Variants in RALYL observed in about 807,000 individuals in gnomAD.
RALYL encodes the protein RALY RNA binding protein like, also known as RNA-binding Raly-like protein.
In RALYL, 29 loss-of-function variants were observed where a neutral mutation model predicts 35.1. The observed-to-expected ratio is 0.83, with a 90% CI of 0.61 to 1.13. The LOEUF (loss-of-function observed/expected upper bound fraction) is 1.13, where lower values mean the gene tolerates loss of function less well. RALYL is among the 50% of genes most tolerant of loss of function. The pLI, the probability that RALYL is intolerant of heterozygous loss-of-function variation, is 0.00. For synonymous variants in RALYL, 120 were observed against 127.6 expected, an observed-to-expected ratio of 0.94 and a Z score of 0.40; for missense variants, 359 against 360.4, an observed-to-expected ratio of 1.00 and a Z score of 0.03.
chr8:84,383,412 C>G (rs1858434021), intron 1 of RALYL, among the ~76,000 whole-genome samples: 1 of 151,258 alleles, frequency 6.6e-6, no homozygotes. Flanking sequence ...ATAAATGGAG[C>G]AAGACATTGA....
chr8:84,872,935 T>C (rs146373946), intron 6 of RALYL: 1 of 175,020 alleles, frequency 5.7e-6, no homozygotes, highest in African/African-American at 2.4e-5. Flanking sequence ...GATTTAATTA[T>C]TGCTTCATCT....
chr8:84,537,253 T>G (rs1225137264), intron 2 of RALYL, among the ~76,000 whole-genome samples: 2 of 151,680 alleles, frequency 1.3e-5, no homozygotes, highest in African/African-American at 4.8e-5. Flanking sequence ...GCTGATCGCT[T>G]GAGCCCAGCA....
chr8:84,216,545 G>A (rs893270177), intron 1 of RALYL, among the ~76,000 whole-genome samples: 2 of 152,096 alleles, frequency 1.3e-5, no homozygotes, highest in African/African-American at 4.8e-5. Context: ...TAGTTTCTCT[G>A]TTTTGTGTGC....
intron 8 of RALYL, among the ~76,000 whole-genome samples, chr8:84,891,902 TAG>T (rs1563820302): frequency 1.3e-5 from 2 of 152,144 alleles, no homozygotes; most frequent in Non-Finnish European, 2.9e-5. Flanking sequence ...ACAATATAAT[TAG>T]AGTTTTTCTC....
intron 2 of RALYL, among the ~76,000 whole-genome samples, chr8:84,724,013 T>C (rs1190383704): frequency 6.6e-6 from 1 of 151,816 alleles, no homozygotes; most frequent in Non-Finnish European, 1.5e-5. Flanking sequence ...AGGATCTCAG[T>C]GAGTATTTGA....
intron 1 of RALYL, among the ~76,000 whole-genome samples, chr8:84,324,274 A>T (rs895503851): frequency 6.6e-6 from 1 of 151,972 alleles, no homozygotes; most frequent in Admixed American, 6.6e-5. Flanking sequence ...TTCCACATAC[A>T]GTTAATTTCT....
chr8:84,366,525 C>A (rs1239990691), intron 1 of RALYL, among the ~76,000 whole-genome samples: 1 of 151,876 alleles, frequency 6.6e-6, no homozygotes, highest in Admixed American at 6.6e-5. Flanking sequence ...GCCTATGATC[C>A]CAGCCCTTTG....
At chr8:84,585,972 A>C (rs533692361) in intron 2 of RALYL, among the ~76,000 whole-genome samples, 1 of 152,090 alleles carries the variant, frequency 6.6e-6, no homozygotes, top group Non-Finnish European at 1.5e-5. Flanking sequence ...CGAGGCAGGC[A>C]GATCATGAGG....
At chr8:84,444,099 C>T (rs2048616366) in intron 1 of RALYL, among the ~76,000 whole-genome samples, 1 of 152,076 alleles carries the variant, frequency 6.6e-6, no homozygotes, top group African/African-American at 2.4e-5. Context: ...GATGTCAAGG[C>T]AGGAGAATCA....
chr8:84,495,691 G>T (rs922110146), intron 1 of RALYL, among the ~76,000 whole-genome samples: 3 of 151,740 alleles, frequency 2.0e-5, no homozygotes, highest in Admixed American at 6.6e-5. Flanking sequence ...GAAAACTTTG[G>T]GTACTCACCT....
chr8:84,324,602 TG>T (rs1845464359), intron 1 of RALYL, among the ~76,000 whole-genome samples: 1 of 152,092 alleles, frequency 6.6e-6, no homozygotes, highest in Admixed American at 6.6e-5. Flanking sequence ...TGTTTTTTTT[TG>T]TAAACTTTTC....
At chr8:84,229,526 T>C (rs1824829194) in intron 1 of RALYL, among the ~76,000 whole-genome samples, 1 of 152,196 alleles carries the variant, frequency 6.6e-6, no homozygotes. Context: ...CAGTTTGGGG[T>C]CCTGAGACAG....
At chr8:84,630,723 G>A (rs1301475548) in intron 2 of RALYL, among the ~76,000 whole-genome samples, 1 of 152,010 alleles carries the variant, frequency 6.6e-6, no homozygotes, top group Non-Finnish European at 1.5e-5. Context: ...GGTAATGGCT[G>A]TATTCCCTGT....
At chr8:84,721,016 A>C (rs760298560) in intron 2 of RALYL, among the ~76,000 whole-genome samples, 3 of 151,910 alleles carry the variant, frequency 2.0e-5, no homozygotes, top group Non-Finnish European at 4.4e-5. Context: ...GGAGAAAGGG[A>C]AGTGGGAATG....
chr8:84,604,851 A>G (rs543230532), intron 2 of RALYL, among the ~76,000 whole-genome samples: 1 of 152,282 alleles, frequency 6.6e-6, no homozygotes, highest in African/African-American at 2.4e-5. Flanking sequence ...TAGATGAAGG[A>G]AAACAGTTGA....
rs1381932882 is a variant in RALYL at position 84,183,965 on chromosome 8, T to C, written c.-483T>C. ...CTCTTTTTCTGATAACATTTTTGTA[T>C]AGGTGGGATTTTACGGCAGTGTTTA... On this transcript the variant is annotated 5_prime_UTR_variant, in exon 1 of 9. The change abolishes the stop of an existing upstream ORF in the 5' untranslated region. Transcript: ENST00000521268. 2 of 152,316 alleles carry C rather than the reference T, an allele frequency of 1.3e-5. No homozygotes were observed. The highest frequency in any genetic ancestry group is 2.4e-5 in the African/African-American group (1 of 41,468). The allele number at this position is 152,316 out of a possible 1,614,324, so 9.4% of individuals were successfully genotyped here. A position where few individuals can be genotyped will look rare whatever the true frequency, so the allele number is the denominator to read the frequency against.
intron 1 of RALYL, among the ~76,000 whole-genome samples, chr8:84,527,999 A>G (rs1420672681): frequency 6.6e-6 from 1 of 152,150 alleles, no homozygotes; most frequent in Non-Finnish European, 1.5e-5. Flanking sequence ...TTTCAGGAGT[A>G]TCTGTTTTAA....
rs150454462 is a variant in RALYL at position 84,654,970 on chromosome 8, A to T, written c.257-119609A>T. Among the ~76,000 whole-genome samples, 303 of 151,830 alleles carry T rather than the reference A, an allele frequency of 2.0e-3. 1 individual carries two copies. The East Asian group carries it at 0.042, about 21-fold the overall frequency. On this transcript the variant is annotated intron_variant, in intron 2 of 8. Transcript: ENST00000521268. ...TACCTAGCGGTGGGATTGCTGGATC[A>T]TATGGTGGGGGTGGGTCTATTTTCA...
intron 2 of RALYL, among the ~76,000 whole-genome samples, chr8:84,673,970 G>A (rs1234907862): frequency 6.6e-6 from 1 of 152,188 alleles, no homozygotes; most frequent in Non-Finnish European, 1.5e-5. Context: ...GCTTTGGGCA[G>A]TATGGCTATT....
Sources: allele counts gnomAD v4.1 joint callset (sites outside exome capture counted in the v4.1 genomes callset), GRCh38; gene constraint gnomAD v4.1.1; transcripts MANE v1.5; gene names NCBI Gene and HGNC (gene_info 2026-07-23, HGNC 2026-07-21).